MAF: variants seen among roughly 807,000 people sequenced by gnomAD.
MAF encodes MAF bZIP transcription factor.
MAF carries 10 observed loss-of-function variants against 22.0 expected under a neutral mutation model. The ratio of observed to expected loss-of-function variants is 0.45; its 90% CI spans 0.28 to 0.77. MAF has a LOEUF of 0.77. Ranked by LOEUF, MAF falls within the 30% of genes least tolerant of loss-of-function variation. MAF has a pLI of 0.12. For missense variants in MAF, 544 were observed against 548.4 expected (o/e 0.99, Z 0.08); for synonymous variants, 337 against 255.8 (o/e 1.32, Z -3.03).
At chr16:79,379,636 T>C in the MAF span, among the ~76,000 whole-genome samples, 6 of 152,156 alleles carry the variant, frequency 3.9e-5, no homozygotes, top group Non-Finnish European at 5.9e-5. Context: ...TTATCAAGAG[T>C]GGTCAAGAGT....
the MAF span, among the ~76,000 whole-genome samples, chr16:79,290,152 C>T: frequency 6.6e-6 from 1 of 152,110 alleles, no homozygotes; most frequent in Non-Finnish European, 1.5e-5. Context: ...CCACTGTGCT[C>T]AGCCTGTATA....
At chr16:79,512,901 G>A in the MAF span, among the ~76,000 whole-genome samples, 777 of 152,310 alleles carry the variant, frequency 5.1e-3, 4 homozygotes, top group Middle Eastern at 0.027. Context: ...TACCTGTATA[G>A]GCACACGCAT....
At chr16:79,596,276 C>G in intron 1 of MAF, 1 of 1,059,842 alleles carries the variant, frequency 9.4e-7, no homozygotes, top group Non-Finnish European at 1.1e-6. Flanking sequence ...AAAATGAGGT[C>G]ATAATTTACA....
At chr16:79,426,894 G>A in the MAF span, among the ~76,000 whole-genome samples, 3 of 152,212 alleles carry the variant, frequency 2.0e-5, no homozygotes, top group East Asian at 3.9e-4. Flanking sequence ...ATAAAAGATA[G>A]GCAGGGCTGA....
At chr16:79,579,586 G>T in the MAF span, among the ~76,000 whole-genome samples, 1 of 152,118 alleles carries the variant, frequency 6.6e-6, no homozygotes, top group Admixed American at 6.5e-5. Context: ...GGAAAGAAAA[G>T]AAAAGAAACA....
chr16:79,596,998 C>G (rs1385797186), intron 1 of MAF: 1 of 1,053,266 alleles, frequency 9.5e-7, no homozygotes, highest in African/African-American at 1.7e-5. Context: ...AATACCCCTA[C>G]AGATATAAAC....
chr16:79,321,210 C>T, the MAF span, among the ~76,000 whole-genome samples: 23 of 152,272 alleles, frequency 1.5e-4, no homozygotes, highest in African/African-American at 3.6e-4. Flanking sequence ...AATTCCACAG[C>T]GCAGTCTTGG....
chr16:79,274,030 C>T, the MAF span, among the ~76,000 whole-genome samples: 4 of 147,404 alleles, frequency 2.7e-5, no homozygotes, highest in Admixed American at 6.8e-5. Context: ...TCTCGGCTCA[C>T]TGCAACTTCC....
chr16:79,562,815 G>A, the MAF span, among the ~76,000 whole-genome samples: 1 of 152,222 alleles, frequency 6.6e-6, no homozygotes, highest in East Asian at 1.9e-4. Flanking sequence ...CACCCAGGAA[G>A]TGGGTCTGGT....
At chr16:79,319,344 T>G in the MAF span, among the ~76,000 whole-genome samples, 1 of 152,256 alleles carries the variant, frequency 6.6e-6, no homozygotes, top group African/African-American at 2.4e-5. Flanking sequence ...CTAATTGAAG[T>G]AAACTTTAGA....
the MAF span, among the ~76,000 whole-genome samples, chr16:79,216,649 T>C: frequency 6.6e-6 from 1 of 152,184 alleles, no homozygotes; most frequent in Non-Finnish European, 1.5e-5. Flanking sequence ...TATGCTATGA[T>C]GTTCAATACA....
the MAF span, among the ~76,000 whole-genome samples, chr16:79,304,435 CT>C: frequency 7.2e-5 from 11 of 152,036 alleles, no homozygotes; most frequent in Admixed American, 1.3e-4. Context: ...ATTCCAGAGT[CT>C]TTTTTTAAAA....
chr16:79,416,307 C>T, the MAF span, among the ~76,000 whole-genome samples: 9 of 152,204 alleles, frequency 5.9e-5, no homozygotes, highest in East Asian at 1.5e-3. Context: ...TTCATTTAGC[C>T]ATGAGTTATT....
intron 1 of MAF, chr16:79,586,084 C>T: frequency 3.8e-6 from 2 of 530,194 alleles, no homozygotes; most frequent in Non-Finnish European, 6.5e-6. Context: ...GTTCCATTTG[C>T]TTTTGGGTGG....
At chr16:79,376,464 T>C in the MAF span, among the ~76,000 whole-genome samples, 7 of 152,120 alleles carry the variant, frequency 4.6e-5, no homozygotes, top group South Asian at 4.1e-4. Context: ...AACACTCACA[T>C]GTTTTTTGTT....
At chr16:79,430,615 A>C in the MAF span, among the ~76,000 whole-genome samples, 1 of 152,182 alleles carries the variant, frequency 6.6e-6, no homozygotes, top group Non-Finnish European at 1.5e-5. Context: ...TGAATTGGGA[A>C]AATGAGAGGC....
chr16:79,353,660 G>T, the MAF span, among the ~76,000 whole-genome samples: 1 of 152,236 alleles, frequency 6.6e-6, no homozygotes, highest in East Asian at 1.9e-4. Context: ...TGTAAGGTGG[G>T]CTGCTATTTT....
chr16:79,455,035 G>C, the MAF span, among the ~76,000 whole-genome samples: 2 of 151,716 alleles, frequency 1.3e-5, no homozygotes, highest in Non-Finnish European at 2.9e-5. Flanking sequence ...GGTGGAGGTT[G>C]CTGTGAGCCG....
At chr16:79,415,898 C>A in the MAF span, among the ~76,000 whole-genome samples, 1 of 152,220 alleles carries the variant, frequency 6.6e-6, no homozygotes, top group Non-Finnish European at 1.5e-5. Context: ...AGGGGCCATA[C>A]TCTTGCATCC....
Sources: allele counts gnomAD v4.1 joint callset (sites outside exome capture counted in the v4.1 genomes callset), GRCh38; gene constraint gnomAD v4.1.1; transcripts MANE v1.5; gene names NCBI Gene and HGNC (gene_info 2026-07-23, HGNC 2026-07-21).